The following EYS variants were observed in gnomAD, a reference collection of about 807,000 sequenced individuals.
The protein encoded by EYS is EGF-like photoreceptor maintenance factor, also known as protein eyes shut homolog.
A neutral mutation model predicts 282.1 loss-of-function variants in EYS; 250 were observed. The observed-to-expected ratio is 0.89, with a 90% CI of 0.80 to 0.98. The LOEUF (loss-of-function observed/expected upper bound fraction) is 0.98, where lower values mean the gene tolerates loss of function less well. Among genes scored for constraint, EYS ranks in the 50% least tolerant of loss-of-function variants. The probability of loss-of-function intolerance (pLI) is 0.00; values close to 1 mark genes in which losing one functional copy is unlikely to be tolerated. For synonymous variants in EYS, 1,355 were observed against 1,282.9 expected, an observed-to-expected ratio of 1.06 and a Z score of -1.20; for missense variants, 4,016 against 3,709.0, an observed-to-expected ratio of 1.08 and a Z score of -2.15.
chr6:63,905,206 C>T (rs117657381), intron 35 of EYS, among the ~76,000 whole-genome samples: 2 of 152,152 alleles, frequency 1.3e-5, no homozygotes, highest in East Asian at 3.9e-4. Flanking sequence ...TTCAAGGCTT[C>T]AAGGCTTATC....
chr6:64,208,267 A>T (rs1765666811), intron 31 of EYS, among the ~76,000 whole-genome samples: 1 of 152,164 alleles, frequency 6.6e-6, no homozygotes, highest in Non-Finnish European at 1.5e-5. Context: ...GATTTCCTCC[A>T]ATATTGGTTG....
At chr6:65,210,603 G>T (rs1015317815) in intron 12 of EYS, among the ~76,000 whole-genome samples, 12 of 151,942 alleles carry the variant, frequency 7.9e-5, no homozygotes, top group African/African-American at 2.9e-4. Flanking sequence ...AAGCTTGGAA[G>T]GGGACAGCAG....
intron 35 of EYS, among the ~76,000 whole-genome samples, chr6:63,955,483 C>T (rs946396399): frequency 6.6e-6 from 1 of 152,124 alleles, no homozygotes; most frequent in African/African-American, 2.4e-5. Context: ...CGTTCCCATT[C>T]TTATGCCACC....
chr6:64,596,536 A>G (rs559919435), intron 24 of EYS, among the ~76,000 whole-genome samples: 14 of 152,338 alleles, frequency 9.2e-5, no homozygotes, highest in African/African-American at 3.4e-4. Context: ...AATGGAACAG[A>G]ATAGAGAAGA....
chr6:64,668,425 G>C (rs1269846233), intron 22 of EYS, among the ~76,000 whole-genome samples: 1 of 151,400 alleles, frequency 6.6e-6, no homozygotes, highest in Non-Finnish European at 1.5e-5. Context: ...TTCTCTAAAT[G>C]CTTATCATAT....
intron 22 of EYS, among the ~76,000 whole-genome samples, chr6:64,741,047 C>A (rs1435761980): frequency 6.6e-6 from 1 of 151,990 alleles, no homozygotes. Context: ...CATGATGAAT[C>A]CTTTTCAGAA....
chr6:63,890,247 C>A (rs1773373369), intron 35 of EYS, among the ~76,000 whole-genome samples: 1 of 152,292 alleles, frequency 6.6e-6, no homozygotes, highest in African/African-American at 2.4e-5. Context: ...AACAAGCGGA[C>A]CTAACAGATA....
chr6:64,069,551 C>G (rs1276641083), intron 32 of EYS, among the ~76,000 whole-genome samples: 1 of 151,882 alleles, frequency 6.6e-6, no homozygotes, highest in Non-Finnish European at 1.5e-5. Flanking sequence ...ATAAAAGTGT[C>G]TTAAATCTCT....
chr6:65,626,650 ATAAGGAG>A (rs1766704287), intron 2 of EYS, among the ~76,000 whole-genome samples: 1 of 152,208 alleles, frequency 6.6e-6, no homozygotes, highest in Non-Finnish European at 1.5e-5. Context: ...ATGGACCCGA[ATAAGGAG>A]TAGATTAGAA....
intron 22 of EYS, among the ~76,000 whole-genome samples, chr6:64,802,021 T>TTGTTTTTTTG (rs1562199341): frequency 5.3e-5 from 7 of 133,310 alleles, no homozygotes; most frequent in African/African-American, 1.9e-4. Flanking sequence ...AAATTTCTTT[T>TTGTTTTTTTG]TCTTTTTTTT....
intron 24 of EYS, among the ~76,000 whole-genome samples, chr6:64,595,460 T>C (rs1463765814): frequency 6.6e-6 from 1 of 151,950 alleles, no homozygotes; most frequent in Non-Finnish European, 1.5e-5. Context: ...GAGAGAGAAA[T>C]AAAGAGCATT....
intron 14 of EYS, among the ~76,000 whole-genome samples, chr6:64,989,835 C>T (rs1771004692): frequency 6.9e-6 from 1 of 145,654 alleles, no homozygotes; most frequent in Admixed American, 6.9e-5. Flanking sequence ...CACACACACT[C>T]ACACACACTA....
chr6:65,353,616 T>C lies in EYS; in HGVS notation c.1301A>G (p.Tyr434Cys). ...WCFNIIGRFK[Y>C]VCIPGCTKNP... ...TTTTGTGCACCCTGGAATGCATACATACTGCAAAAAGGAAACAAGGAAAAA... is the reference window on the plus strand; with the variant it reads ...TTTTGTGCACCCTGGAATGCATACACACTGCAAAAAGGAAACAAGGAAAAA... Residue 434 changes from tyrosine to cysteine, a missense_variant and splice_region_variant, in exon 9 of 43, where the codon TAT (tyrosine) becomes TGT (cysteine). Transcript: ENST00000503581. The C allele has an allele frequency of 2.5e-6, 4 of 1,611,902 alleles. No homozygotes were observed. The highest frequency in any genetic ancestry group is 3.4e-6 in the Non-Finnish European group (4 of 1,178,374).
At chr6:63,769,600 G>A (rs1026347065) in intron 40 of EYS, among the ~76,000 whole-genome samples, 2 of 152,102 alleles carry the variant, frequency 1.3e-5, no homozygotes, top group Non-Finnish European at 2.9e-5. Flanking sequence ...CTTTGGAAAT[G>A]TGATTAATAG....
chr6:65,662,759 T>C (rs1768050330), intron 1 of EYS, among the ~76,000 whole-genome samples: 1 of 152,118 alleles, frequency 6.6e-6, no homozygotes, highest in African/African-American at 2.4e-5. Context: ...TAATATCTGC[T>C]AGCATTATCT....
At chr6:65,548,891 C>T (rs1234850521) in intron 2 of EYS, among the ~76,000 whole-genome samples, 1 of 152,154 alleles carries the variant, frequency 6.6e-6, no homozygotes, top group African/African-American at 2.4e-5. Context: ...ACAGTGGTTC[C>T]CAACCTTTTT....
chr6:65,613,114 C>T (rs952027316), intron 2 of EYS, among the ~76,000 whole-genome samples: 4 of 151,758 alleles, frequency 2.6e-5, no homozygotes, highest in Admixed American at 6.6e-5. Context: ...ATTTCCATTG[C>T]ACAGATATAC....
At chr6:64,876,612 C>T (rs1302014943) in intron 19 of EYS, among the ~76,000 whole-genome samples, 1 of 152,050 alleles carries the variant, frequency 6.6e-6, no homozygotes, top group Non-Finnish European at 1.5e-5. Context: ...AGTTAAGTGA[C>T]AGACTTATTA....
intron 31 of EYS, among the ~76,000 whole-genome samples, chr6:64,197,116 G>C (rs1682852465): frequency 1.3e-5 from 2 of 152,106 alleles, no homozygotes; most frequent in South Asian, 4.1e-4. Flanking sequence ...TTCAATAAAA[G>C]TTGTTGGCTT....
Sources: gnomAD v4.1 joint callset for allele counts (sites outside exome capture counted in the v4.1 genomes callset) on GRCh38, gnomAD v4.1.1 for gene constraint, MANE v1.5 for transcripts, NCBI Gene and HGNC (gene_info 2026-07-23, HGNC 2026-07-21) for gene names.